Variants in ABAT observed in about 807,000 individuals in gnomAD.
ABAT encodes the protein 4-aminobutyrate aminotransferase, mitochondrial.
In ABAT, 45 loss-of-function variants were observed where a neutral mutation model predicts 64.6. The ratio of observed to expected loss-of-function variants is 0.70; its 90% CI spans 0.55 to 0.89. The LOEUF (loss-of-function observed/expected upper bound fraction) is 0.89, where lower values mean the gene tolerates loss of function less well. Among genes scored for constraint, ABAT ranks in the 40% least tolerant of loss-of-function variants. The probability of loss-of-function intolerance (pLI) is 0.00; values close to 1 mark genes in which losing one functional copy is unlikely to be tolerated. For missense variants in ABAT, 633 were observed against 658.4 expected (o/e 0.96, Z 0.42); for synonymous variants, 297 against 250.5 (o/e 1.19, Z -1.75).
chr16:8,766,092 C>T, intron 8 of ABAT, 116 bp from the exon 9 acceptor site: 1 of 911,940 alleles, frequency 1.1e-6, no homozygotes, highest in South Asian at 1.4e-5. Context: ...TACATGAGAT[C>T]CACTCCTGAG....
intron 1 of ABAT, among the ~76,000 whole-genome samples, chr16:8,735,061 C>A (rs556498782): frequency 1.1e-4 from 16 of 139,134 alleles, no homozygotes; most frequent in African/African-American, 4.7e-4. Context: ...AAAAAAATCA[C>A]TGGGCATGGT....
intron 1 of ABAT, among the ~76,000 whole-genome samples, chr16:8,702,156 T>C (rs1200453396): frequency 1.3e-5 from 2 of 152,024 alleles, no homozygotes; most frequent in Non-Finnish European, 2.9e-5. Flanking sequence ...CAGCTTCTGT[T>C]TGTGGGAAGA....
chr16:8,759,844 G>A (rs1030402252), intron 6 of ABAT, among the ~76,000 whole-genome samples: 4 of 152,124 alleles, frequency 2.6e-5, no homozygotes, highest in African/African-American at 9.7e-5. Context: ...ACACCCAGTT[G>A]TATTTCTCCA....
intron 1 of ABAT, among the ~76,000 whole-genome samples, chr16:8,729,371 C>G (rs1488465060): frequency 1.3e-5 from 2 of 152,118 alleles, no homozygotes; most frequent in Admixed American, 6.6e-5. Context: ...TGCATAGAGG[C>G]AGGGGCTTTG....
At chr16:8,738,012 GAAAGGAAA>G (rs1287214414) in intron 2 of ABAT, among the ~76,000 whole-genome samples, 1 of 96,846 alleles carries the variant, frequency 1.0e-5, no homozygotes, top group East Asian at 3.4e-4. Context: ...AAGAAAGAAA[GAAAGGAAA>G]GAAAGAAAGA....
At position 8,781,324 on chromosome 16, in the gene ABAT, G is replaced by A; in HGVS notation, c.1397G>A (p.Gly466Asp). 3.1e-6 allele frequency: 5 copies of A among 1,614,094 alleles called. No individual in the cohort carries two copies. The highest frequency in any genetic ancestry group is 4.2e-6 in the Non-Finnish European group (5 of 1,179,998). The change falls in exon 16 of 16, where the codon GGC (glycine) becomes GAC (aspartate). Residue 466 changes from glycine to aspartate, a missense_variant. Coordinates refer to ENST00000268251, the MANE Select transcript of ABAT (RefSeq NM_020686.6). This position sits in a 1 kb window ranked among gnomAD's most constrained non-coding sequence, Gnocchi z 4.5. ...CCTCTTTCAGGTGTGGTGTTGGGTG[G>A]CTGTGGTGACAAATCCATTCGTTTC... ...IARNKGVVLG[G>D]CGDKSIRFRP...
At chr16:8,699,982 TA>T (rs1379692014) in intron 1 of ABAT, among the ~76,000 whole-genome samples, 11 of 146,490 alleles carry the variant, frequency 7.5e-5, no homozygotes, top group African/African-American at 2.7e-4. Flanking sequence ...CTAATTTTTG[TA>T]TTTTTTTTTG....
intron 1 of ABAT, among the ~76,000 whole-genome samples, chr16:8,692,476 G>T (rs1236416285): frequency 1.3e-5 from 2 of 152,188 alleles, no homozygotes; most frequent in Non-Finnish European, 2.9e-5. Flanking sequence ...AGCAGGTGAG[G>T]TTTGCCTCTT....
intron 6 of ABAT, among the ~76,000 whole-genome samples, chr16:8,759,796 G>A (rs146222119): frequency 1.6e-4 from 25 of 152,166 alleles, no homozygotes; most frequent in African/African-American, 4.8e-4. Context: ...CTCCTGCCTC[G>A]GTCTCCCAAA....
At position 8,684,764 on chromosome 16, in the gene ABAT, C is replaced by T. The variant is rs556088174; in HGVS notation, c.-42+10053C>T. ...AGGTGGAGGGTAAAATCATGAATCT[C>T]ATACAGATACAAAAACACTCAATGA... On this transcript the variant is annotated intron_variant, in intron 1 of 15. Transcript: ENST00000268251. Among the ~76,000 whole-genome samples, 26 of 149,542 alleles carry T rather than the reference C, an allele frequency of 1.7e-4. No homozygotes were observed. The East Asian group carries it at 4.9e-3, about 28-fold the overall frequency.
At chr16:8,731,909 A>G (rs910253381) in intron 1 of ABAT, among the ~76,000 whole-genome samples, 1 of 151,790 alleles carries the variant, frequency 6.6e-6, no homozygotes, top group African/African-American at 2.4e-5. Context: ...GCTGGAGTGC[A>G]GTGGTGCGAT....
rs1567279199 is a variant in ABAT at position 8,710,715 on chromosome 16, A to AGG, written c.-41-24983_-41-24982insGG. Among the ~76,000 whole-genome samples the AGG allele has an allele frequency of 5.0e-4, 64 of 127,666 alleles. 1 individual carries two copies. The highest frequency in any genetic ancestry group is 1.9e-3 in the African/African-American group (58 of 30,878). The allele number at this position is 127,666 out of a possible 152,430, so 83.8% of individuals were successfully genotyped here. A position where few individuals can be genotyped will look rare whatever the true frequency, so the allele number is the denominator to read the frequency against. ...GAGACAGAGAGAGAGAGAGAGAGAG[A>AGG]GAGAGAGAGAGAGAGGAAATAGGCT... On this transcript the variant is annotated intron_variant, in intron 1 of 15. Transcript: ENST00000268251.
Position 8,709,457 on chromosome 16 carries a change from TC to T in ABAT, c.-41-26240del, listed in dbSNP as rs761560997. The stretch of plus-strand genomic sequence containing the variant: ...AGCACTATCTCAGCTCACTGCAACC[TC>T]CGCCTCCTGGGTTCAAGCGATTCTC... On this transcript the variant is annotated intron_variant, in intron 1 of 15. Coordinates refer to ENST00000268251, the MANE Select transcript of ABAT (RefSeq NM_020686.6). Among the ~76,000 whole-genome samples, 10 of 152,082 alleles carry T rather than the reference TC, an allele frequency of 6.6e-5. 1 individual carries two copies. Among genetic ancestry groups the T allele is most frequent in the Non-Finnish European group, 1.5e-4 (10 of 68,018 alleles).
intron 1 of ABAT, among the ~76,000 whole-genome samples, chr16:8,689,684 A>G (rs960307048): frequency 2.0e-5 from 3 of 152,222 alleles, no homozygotes; most frequent in African/African-American, 7.2e-5. Flanking sequence ...GGAGAGGTTC[A>G]GGGAAGTCTT....
intron 6 of ABAT, among the ~76,000 whole-genome samples, chr16:8,760,680 T>A (rs2059770185): frequency 6.6e-6 from 1 of 152,206 alleles, no homozygotes; most frequent in East Asian, 1.9e-4. Context: ...GCCTTGGCAG[T>A]TGGTGCTGAA....
In ABAT at chr16:8,781,462, G is replaced by A. The variant is rs737696; in HGVS notation, c.*32G>A. On this transcript the variant is annotated 3_prime_UTR_variant, in exon 16 of 16. Coordinates refer to ENST00000268251, the MANE Select transcript of ABAT (RefSeq NM_020686.6). This position sits in a 1 kb window ranked among gnomAD's most constrained non-coding sequence, Gnocchi z 4.5. ...CATTTCCACTACAGTGAGAAAGCCC[G>A]GATCCCAACAGTTGTCAAATTGATT... 2.4e-3 allele frequency: 3,815 copies of A among 1,613,684 alleles called. 29 individuals are homozygous for A. The Middle Eastern group carries it at 0.025, about 10-fold the overall frequency.
intron 15 of ABAT, 104 bp downstream of exon 15, chr16:8,779,694 G>C: frequency 1.1e-6 from 1 of 886,312 alleles, no homozygotes; most frequent in Non-Finnish European, 1.8e-6. Context: ...GTGGGGGGCA[G>C]GTGGTACACA....
In ABAT at chr16:8,738,016, G is replaced by GAAAGAAAGAAA. The variant is rs377342959; in HGVS notation, c.70+2207_70+2208insAAAGAAAGAAA. 2.8e-3 allele frequency among the ~76,000 whole-genome samples: 159 copies of GAAAGAAAGAAA among 57,710 alleles called. 10 individuals are homozygous for GAAAGAAAGAAA. The highest frequency in any genetic ancestry group is 8.6e-3 in the Middle Eastern group (1 of 116). 37.9% of individuals were successfully genotyped at this position (57,710 alleles called of 152,430 possible). On this transcript the variant is annotated intron_variant, in intron 2 of 15. Coordinates refer to ENST00000268251, the MANE Select transcript of ABAT (RefSeq NM_020686.6). ...GGAAAGAAAGAAAGAAAGAAAGAAA[G>GAAAGAAAGAAA]GAAAGAAAGAAAGAAGGACAGACAG... is the stretch of plus-strand genomic sequence containing the variant.
rs1412155029 is a variant in ABAT, at chr16:8,735,800, CTGG to C, written c.64_66del (p.Val22del). The C allele has an allele frequency of 1.4e-5, 23 of 1,603,818 alleles. No individual in the cohort carries two copies. Among genetic ancestry groups the C allele is most frequent in the Admixed American group, 1.7e-5 (1 of 58,670 alleles). On this transcript the variant is annotated inframe_deletion, in exon 2 of 16. Coordinates refer to ENST00000268251, the MANE Select transcript of ABAT (RefSeq NM_020686.6). ...CAGCTTCCAGCACAGCTACCGCCTGCTGGTGCCTGGTAAGCCCCGGGGGTCTTG... is the reference window on the plus strand; with the variant it reads ...CAGCTTCCAGCACAGCTACCGCCTGCTGCCTGGTAAGCCCCGGGGGTCTTG...
Sources: allele counts gnomAD v4.1 joint callset (sites outside exome capture counted in the v4.1 genomes callset), GRCh38; gene constraint gnomAD v4.1.1; non-coding constraint Gnocchi (gnomAD v3.1); transcripts MANE v1.5; gene names NCBI Gene and HGNC (gene_info 2026-07-23, HGNC 2026-07-21).